Variants in GYS1 observed in about 807,000 individuals in gnomAD.
GYS1 encodes glycogen synthase 1, also known as glycogen [starch] synthase, muscle.
In GYS1, 60 loss-of-function variants were observed where a neutral mutation model predicts 89.1. That is an observed-to-expected ratio of 0.67 (90% CI 0.55 to 0.84). The LOEUF is 0.84. Among genes scored for constraint, GYS1 ranks in the 40% least tolerant of loss-of-function variants. The pLI is 0.00. For synonymous variants in GYS1, 366 were observed against 401.7 expected, an observed-to-expected ratio of 0.91 and a Z score of 1.06; for missense variants, 888 against 1,003.1, an observed-to-expected ratio of 0.89 and a Z score of 1.55.
chr19:48,989,937 T>C (rs569136697), intron 2 of GYS1, among the ~76,000 whole-genome samples: 19 of 149,096 alleles, frequency 1.3e-4, no homozygotes, highest in African/African-American at 4.7e-4. Context: ...ACCTGGCTTT[T>C]TGCTGCCTGG....
At position 48,981,655 on chromosome 19, in the gene GYS1, G is replaced by T. The variant is rs2038765947; in HGVS notation, c.1063-19C>A. ...CGTTCACCTGCGCAGAAAGAAAGGA[G>T]GGGGAGGCCAGGATCATGTGGGGGA... On this transcript the variant is annotated intron_variant, in intron 7 of 15. Transcript: ENST00000323798. The T allele has an allele frequency of 1.3e-6, 2 of 1,523,012 alleles. No homozygotes were observed. Among genetic ancestry groups the T allele is most frequent in the South Asian group, 1.1e-5 (1 of 89,246 alleles). The allele number at this position is 1,523,012 out of a possible 1,614,324, so 94.3% of individuals were successfully genotyped here. A position where few individuals can be genotyped will look rare whatever the true frequency, so the allele number is the denominator to read the frequency against.
intron 11 of GYS1, 70 bp from the exon 12 acceptor site, chr19:48,974,409 C>A (rs2038613294): frequency 1.5e-5 from 24 of 1,549,034 alleles, no homozygotes; most frequent in Non-Finnish European, 2.0e-5. Context: ...CAAGGTGGCC[C>A]AGAGAGGGTA....
intron 6 of GYS1, among the ~76,000 whole-genome samples, 166 bp from the exon 7 acceptor site, chr19:48,982,541 G>T (rs377371952): frequency 6.6e-6 from 1 of 152,068 alleles, no homozygotes. Context: ...TTTAGATGGA[G>T]ATTTCCTTTA....
At position 48,986,018 on chromosome 19, in the gene GYS1, C is replaced by T. The variant is rs1483553030; in HGVS notation, c.510G>A (p.Glu170=). 6.2e-7 allele frequency: 1 copy of T among 1,614,018 alleles called. No homozygotes were observed. The highest frequency in any genetic ancestry group is 8.5e-7 in the Non-Finnish European group (1 of 1,180,028). ...AGTGAGCAACCACATGTGGCTTCTCCTCACTCTGTGCCAGGAACTGTGGGC... is the reference window on the plus strand; with the variant it reads ...AGTGAGCAACCACATGTGGCTTCTCTTCACTCTGTGCCAGGAACTGTGGGC... ...WFLGEFLAQS[E]EKPHVVAHFH... The change falls in exon 4 of 16, where the codon GAG becomes GAA. Residue 170 remains glutamate (E), a synonymous_variant. Transcript: ENST00000323798.
rs549489412 is a variant in GYS1, at chr19:48,979,939, G to A, written c.1169+1591C>T. Among the ~76,000 whole-genome samples the A allele has an allele frequency of 1.7e-3, 263 of 151,890 alleles. 3 individuals carry two copies. The highest frequency in any genetic ancestry group is 5.9e-3 in the African/African-American group (246 of 41,446). On this transcript the variant is annotated intron_variant, in intron 8 of 15. Coordinates refer to ENST00000323798, the MANE Select transcript of GYS1 (RefSeq NM_002103.5). Reference sequence around the variant, plus strand: ...CGGGATTACAGGTGTGAGCCACCACGCCCGACTTCTTTTTTATTTTTTTGA... The same window carrying A: ...CGGGATTACAGGTGTGAGCCACCACACCCGACTTCTTTTTTATTTTTTTGA...
chr19:48,988,217 T>C (rs151307295), intron 2 of GYS1, among the ~76,000 whole-genome samples: 1,597 of 152,338 alleles, frequency 0.01, 27 homozygotes, highest in African/African-American at 0.036. Context: ...GTCTGGCCAC[T>C]CTGCAAATCA....
In GYS1 at chr19:48,969,084, G is replaced by C. The variant is rs925378174; in HGVS notation, c.*204C>G. The C allele has an allele frequency of 1.6e-5, 10 of 640,390 alleles. No homozygotes were observed. Among genetic ancestry groups the C allele is most frequent in the Non-Finnish European group, 1.9e-5 (7 of 361,918 alleles). The allele number at this position is 640,390 out of a possible 1,614,324, so 39.7% of individuals were successfully genotyped here. ...GCTGATTATGCATATTCTGGAGCCA[G>C]AGAAAGGCACGGCTTTGTGGATTCT... On this transcript the variant is annotated 3_prime_UTR_variant, in exon 16 of 16. Transcript: ENST00000323798.
In GYS1 at chr19:48,974,910, T is replaced by TTTTC. The variant is rs113107275; in HGVS notation, c.1309-181_1309-178dup. Among the ~76,000 whole-genome samples the TTTTC allele has an allele frequency of 2.3e-3, 297 of 129,640 alleles. 2 individuals are homozygous for TTTTC. The highest frequency in any genetic ancestry group is 8.0e-3 in the African/African-American group (291 of 36,532). The allele number at this position is 129,640 out of a possible 152,430, so 85.0% of individuals were successfully genotyped here. A position where few individuals can be genotyped will look rare whatever the true frequency, so the allele number is the denominator to read the frequency against. On this transcript the variant is annotated intron_variant, in intron 10 of 15. Coordinates refer to ENST00000323798, the MANE Select transcript of GYS1 (RefSeq NM_002103.5). The stretch of plus-strand genomic sequence containing the variant: ...TTCCCACTAGTACAACCTGTAAAGG[T>TTTTC]TTTCTTTCTTTTCTTTTAAATTATT...
In GYS1 at chr19:48,969,262, C is replaced by G; in HGVS notation, c.*26G>C. The G allele has an allele frequency of 6.6e-7, 1 of 1,518,702 alleles. No homozygotes were observed. Among genetic ancestry groups the G allele is most frequent in the South Asian group, 1.2e-5 (1 of 82,388 alleles). 94.1% of individuals were successfully genotyped at this position (1,518,702 alleles called of 1,614,324 possible). Reference sequence around the variant, plus strand: ...CTCTCTCTGGAGCAGAGAGGCAGGACAGGCGGGGAGTGTGGTGGGGCGGAC... The same window carrying G: ...CTCTCTCTGGAGCAGAGAGGCAGGAGAGGCGGGGAGTGTGGTGGGGCGGAC... On this transcript the variant is annotated 3_prime_UTR_variant, in exon 16 of 16. Coordinates refer to ENST00000323798, the MANE Select transcript of GYS1 (RefSeq NM_002103.5).
intron 1 of GYS1, among the ~76,000 whole-genome samples, chr19:48,992,603 AT>A (rs2038954408): frequency 7.0e-6 from 1 of 141,946 alleles, no homozygotes; most frequent in Non-Finnish European, 1.5e-5. Flanking sequence ...CTGGAGTTTT[AT>A]CCCCTAGACC....
intron 8 of GYS1, among the ~76,000 whole-genome samples, chr19:48,979,176 T>A (rs560948861): frequency 2.6e-5 from 4 of 152,094 alleles, no homozygotes; most frequent in Non-Finnish European, 5.9e-5. Context: ...CCCCATTTTA[T>A]ACGAAAAGAA....
chr19:48,988,254 G>A (rs559852120), intron 2 of GYS1, among the ~76,000 whole-genome samples: 4 of 152,166 alleles, frequency 2.6e-5, no homozygotes, highest in Admixed American at 6.5e-5. Context: ...CCTTGTTTCT[G>A]TACTTGCTGC....
rs1389795845 is a variant in GYS1, at chr19:48,991,461, C to T, written c.141G>A (p.Leu47=). The T allele has an allele frequency of 6.2e-7, 1 of 1,614,098 alleles. No individual in the cohort carries two copies. Among genetic ancestry groups the T allele is most frequent in the African/African-American group, 1.3e-5 (1 of 75,068 alleles). The change falls in exon 2 of 16, where the codon CTG becomes CTA. Residue 47 remains leucine (L), a synonymous_variant. Transcript: ENST00000323798. This position sits in a 1 kb window ranked among gnomAD's most constrained non-coding sequence, Gnocchi z 4.7. ...ANKVGGIYTV[L]QTKAKVTGDE... ...CCCCTGTCACCTTCGCCTTCGTCTG[C>T]AGCACCGTGTAGATGCCACCCACTG...
chr19:48,968,838 C>T lies in GYS1; in HGVS notation c.*450G>A, dbSNP rs3745693. 2.2e-3 allele frequency: 1,027 copies of T among 459,378 alleles called. 22 individuals are homozygous for T. The East Asian group carries it at 0.043, about 19-fold the overall frequency. The allele number at this position is 459,378 out of a possible 1,614,324, so 28.5% of individuals were successfully genotyped here. ...CGGCTCTGGACTTGATCGCCCCATTCGCAGGGACACCACGTGGTTTCCAGA... is the reference window on the plus strand; with the variant it reads ...CGGCTCTGGACTTGATCGCCCCATTTGCAGGGACACCACGTGGTTTCCAGA... On this transcript the variant is annotated 3_prime_UTR_variant, in exon 16 of 16. Transcript: ENST00000323798.
intron 2 of GYS1, among the ~76,000 whole-genome samples, chr19:48,990,887 C>T (rs1234775946): frequency 6.6e-6 from 1 of 152,196 alleles, no homozygotes; most frequent in South Asian, 2.1e-4. Flanking sequence ...CTCCGCCTCC[C>T]GGGTTCAAGC....
intron 13 of GYS1, 93 bp from the exon 14 acceptor site, chr19:48,970,802 C>G: frequency 7.0e-7 from 1 of 1,435,548 alleles, no homozygotes; most frequent in Non-Finnish European, 9.8e-7. Context: ...CCTCTCCCAG[C>G]GGCCCGAGAG....
intron 14 of GYS1, chr19:48,970,219 G>A (rs1443820092): frequency 6.8e-6 from 3 of 443,992 alleles, no homozygotes; most frequent in Non-Finnish European, 1.2e-5. Context: ...CAACCTCCGG[G>A]GCTCAAGCGA....
At chr19:48,992,911 C>T (rs1375862821) in intron 1 of GYS1, 84 bp downstream of exon 1, 5 of 833,214 alleles carry the variant, frequency 6.0e-6, no homozygotes, top group African/African-American at 1.7e-5. Context: ...CCCCTAGTAG[C>T]CCCGTCCTCC....
chr19:48,982,196 C>G (rs2038774837), intron 7 of GYS1, 59 bp downstream of exon 7: 1 of 1,574,796 alleles, frequency 6.4e-7, no homozygotes, highest in South Asian at 1.1e-5. Context: ...CCTGGCTGTT[C>G]TCCCTAGTTA....
Sources: allele counts gnomAD v4.1 joint callset (sites outside exome capture counted in the v4.1 genomes callset), GRCh38; gene constraint gnomAD v4.1.1; non-coding constraint Gnocchi (gnomAD v3.1); transcripts MANE v1.5; gene names NCBI Gene and HGNC (gene_info 2026-07-23, HGNC 2026-07-21).